The following TTC7A variants were observed in gnomAD, a reference collection of about 807,000 sequenced individuals.
The protein encoded by TTC7A is tetratricopeptide repeat domain 7A.
In TTC7A, 110 loss-of-function variants were observed where a neutral mutation model predicts 103.7. That is an observed-to-expected ratio of 1.06 (90% confidence interval 0.91 to 1.24). The LOEUF (loss-of-function observed/expected upper bound fraction) is 1.24. Ranked by LOEUF, TTC7A falls within the 50% of genes most tolerant of loss-of-function variation. TTC7A has a pLI of 0.00. For synonymous variants in TTC7A, 521 were observed against 467.9 expected, an observed-to-expected ratio of 1.11 and a Z score of -1.47; for missense variants, 1,340 against 1,116.3, an observed-to-expected ratio of 1.20 and a Z score of -2.86.
intron 3 of TTC7A, among the ~76,000 whole-genome samples, chr2:46,966,196 G>A (rs554866204): frequency 4.2e-4 from 64 of 152,218 alleles, no homozygotes; most frequent in African/African-American, 1.4e-3. Flanking sequence ...TGATCCTCCC[G>A]CCTCAGGCTC....
chr2:46,945,784 G>A lies in TTC7A; in HGVS notation c.184+4059G>A, dbSNP rs776770899. ...GGAGATTGTTTTGAACATTTCTTCC[G>A]TTTCAGTTAGAAGGGGTTTGTTTGA... On this transcript the variant is annotated intron_variant, in intron 1 of 19. Transcript: ENST00000319190. Among the ~76,000 whole-genome samples, 17 of 152,068 alleles carry A rather than the reference G, an allele frequency of 1.1e-4. No individual in the cohort carries two copies. The East Asian group carries it at 1.2e-3, about 10-fold the overall frequency.
chr2:46,928,343 G>T (rs1289077285), intron 2 of TTC7A, among the ~76,000 whole-genome samples: 1 of 151,578 alleles, frequency 6.6e-6, no homozygotes, highest in Non-Finnish European at 1.5e-5. Flanking sequence ...TCCAGGCCAG[G>T]ATCAACTATG....
intron 3 of TTC7A, among the ~76,000 whole-genome samples, chr2:46,971,799 T>C (rs576065647): frequency 2.0e-5 from 3 of 152,082 alleles, no homozygotes; most frequent in Non-Finnish European, 4.4e-5. Context: ...ACTTACTACA[T>C]GTAAAGTACC....
Position 46,966,098 on chromosome 2 carries a change from C to T in TTC7A, c.518-8875C>T, listed in dbSNP as rs571293796. Among the ~76,000 whole-genome samples the T allele has an allele frequency of 9.8e-4, 149 of 152,156 alleles. 1 individual carries two copies. Among genetic ancestry groups the T allele is most frequent in the African/African-American group, 3.3e-3 (138 of 41,484 alleles). On this transcript the variant is annotated intron_variant, in intron 3 of 19. Coordinates refer to ENST00000319190, the MANE Select transcript of TTC7A (RefSeq NM_020458.4). ...CCGAGTAGCTGGGTTTACAGGCATG[C>T]GCCACCACGCCTGGCTAATTTTGTA...
At chr2:46,916,943 T>C (rs2103785742) in intron 1 of TTC7A, among the ~76,000 whole-genome samples, 1 of 151,782 alleles carries the variant, frequency 6.6e-6, no homozygotes, top group South Asian at 2.1e-4. Flanking sequence ...GGACGGTCGT[T>C]TTTTTTAAAG....
intron 19 of TTC7A, among the ~76,000 whole-genome samples, chr2:47,069,044 G>A (rs1273171363): frequency 1.3e-5 from 2 of 151,998 alleles, no homozygotes; most frequent in African/African-American, 4.8e-5. Context: ...TCCCCATCAC[G>A]GGGACTCACT....
chr2:46,979,209 G>A (rs1169453282), intron 5 of TTC7A, among the ~76,000 whole-genome samples: 1 of 152,168 alleles, frequency 6.6e-6, no homozygotes, highest in Admixed American at 6.5e-5. Flanking sequence ...GCATCTGGGA[G>A]GTGATGTTGA....
chr2:46,998,559 A>G (rs769861572), intron 8 of TTC7A, among the ~76,000 whole-genome samples: 1 of 152,178 alleles, frequency 6.6e-6, no homozygotes, highest in Admixed American at 6.5e-5. Context: ...GCTACAAATG[A>G]TGGGCTTGGG....
intron 19 of TTC7A, among the ~76,000 whole-genome samples, chr2:47,072,934 TGTTA>T (rs1684892844): frequency 1.3e-5 from 2 of 152,232 alleles, no homozygotes; most frequent in Non-Finnish European, 2.9e-5. Flanking sequence ...TGACTATTCC[TGTTA>T]GTTCCTCTAT....
chr2:46,994,187 G>T, intron 6 of TTC7A, 170 bp from the exon 7 acceptor site: 1 of 709,084 alleles, frequency 1.4e-6, no homozygotes, highest in South Asian at 1.9e-5. Context: ...CAGTGTTGGA[G>T]GGACTGAAGG....
chr2:47,056,279 GGT>G (rs1683306265), intron 18 of TTC7A, among the ~76,000 whole-genome samples: 2 of 152,190 alleles, frequency 1.3e-5, no homozygotes, highest in African/African-American at 4.8e-5. Context: ...ATTTCCTTTG[GGT>G]CACCCAAATG....
chr2:46,985,651 G>A (rs952303524), intron 5 of TTC7A, among the ~76,000 whole-genome samples: 9 of 152,146 alleles, frequency 5.9e-5, no homozygotes, highest in South Asian at 2.1e-4. Context: ...GCTCACAGGT[G>A]TAGACCCCAT....
intron 18 of TTC7A, among the ~76,000 whole-genome samples, chr2:47,058,750 C>T (rs572468780): frequency 3.9e-5 from 6 of 152,294 alleles, no homozygotes; most frequent in Non-Finnish European, 7.4e-5. Flanking sequence ...GCCGAAGAGC[C>T]GCGTCTCCTA....
intron 5 of TTC7A, among the ~76,000 whole-genome samples, chr2:46,983,474 C>T (rs1674686153): frequency 6.6e-6 from 1 of 152,228 alleles, no homozygotes; most frequent in African/African-American, 2.4e-5. Context: ...CCTTGTCTCC[C>T]TCTGCCAGTT....
intron 11 of TTC7A, among the ~76,000 whole-genome samples, chr2:47,021,327 A>G (rs7565217): frequency 0.14 from 21,441 of 152,144 alleles, 2,094 homozygotes; most frequent in African/African-American, 0.28. Context: ...GTCCCATGTC[A>G]TGTGGTGATG....
At chr2:46,949,328 C>A (rs571725368) in intron 1 of TTC7A, among the ~76,000 whole-genome samples, 1 of 151,420 alleles carries the variant, frequency 6.6e-6, no homozygotes, top group Non-Finnish European at 1.5e-5. Flanking sequence ...CTCCGTCTCC[C>A]GAATTCAGGC....
At chr2:47,033,415 A>G (rs1441167932) in intron 15 of TTC7A, among the ~76,000 whole-genome samples, 1 of 152,222 alleles carries the variant, frequency 6.6e-6, no homozygotes, top group Non-Finnish European at 1.5e-5. Context: ...GGGATCCCAG[A>G]GCCTGCCTCG....
At chr2:47,047,696 G>A (rs918482662) in intron 16 of TTC7A, among the ~76,000 whole-genome samples, 1 of 152,200 alleles carries the variant, frequency 6.6e-6, no homozygotes, top group African/African-American at 2.4e-5. Flanking sequence ...GTGGTCAGTC[G>A]TGGTGGGACC....
intron 15 of TTC7A, among the ~76,000 whole-genome samples, chr2:47,031,541 C>G (rs904296769): frequency 1.3e-5 from 2 of 152,188 alleles, no homozygotes; most frequent in Admixed American, 6.5e-5. Context: ...TTTGTCCACC[C>G]TGGGTCTGTG....
Sources: allele counts gnomAD v4.1 joint callset (sites outside exome capture counted in the v4.1 genomes callset), GRCh38; gene constraint gnomAD v4.1.1; transcripts MANE v1.5; gene names NCBI Gene and HGNC (gene_info 2026-07-23, HGNC 2026-07-21).